Variants in TBC1D5 observed in about 807,000 individuals in gnomAD.
TBC1D5 encodes the protein TBC1 domain family, member 5.
A neutral mutation model predicts 100.3 loss-of-function variants in TBC1D5; 75 were observed. The observed-to-expected ratio is 0.75, with a 90% CI of 0.62 to 0.91. TBC1D5 has a LOEUF of 0.91. TBC1D5 is among the 40% of genes least tolerant of loss of function. The pLI, the probability that TBC1D5 is intolerant of heterozygous loss-of-function variation, is 0.00. For missense variants in TBC1D5, 910 were observed against 942.4 expected, an observed-to-expected ratio of 0.97 and a Z score of 0.45; for synonymous variants, 323 against 325.6, an observed-to-expected ratio of 0.99 and a Z score of 0.09.
intron 15 of TBC1D5, among the ~76,000 whole-genome samples, chr3:17,269,279 C>T (rs896876399): frequency 3.9e-5 from 6 of 152,048 alleles, no homozygotes; most frequent in African/African-American, 9.7e-5. Flanking sequence ...AGAATGCTCA[C>T]GAACAGTGAA....
At chr3:17,341,591 A>G (rs2088944116) in intron 13 of TBC1D5, among the ~76,000 whole-genome samples, 1 of 152,168 alleles carries the variant, frequency 6.6e-6, no homozygotes, top group Non-Finnish European at 1.5e-5. Flanking sequence ...ACACAGAGTA[A>G]GGAGTAGAGT....
At chr3:17,359,259 G>C (rs1467050046) in intron 13 of TBC1D5, among the ~76,000 whole-genome samples, 2 of 152,044 alleles carry the variant, frequency 1.3e-5, no homozygotes, top group Non-Finnish European at 2.9e-5. Context: ...TGTAATAAAT[G>C]ACAATTTTTC....
chr3:17,160,335 C>G (rs1279079743), exon 22 of TBC1D5: 2 of 152,028 alleles, frequency 1.3e-5, no homozygotes, highest in African/African-American at 4.8e-5. Context: ...ATCCTGTTTG[C>G]AGAGATCCTT....
At chr3:17,705,191 G>T (rs1324974583) in intron 1 of TBC1D5, among the ~76,000 whole-genome samples, 2 of 86,196 alleles carry the variant, frequency 2.3e-5, no homozygotes, top group African/African-American at 8.8e-5. Flanking sequence ...CTGGCCAGGC[G>T]GGGGGCTGAC....
intron 4 of TBC1D5, among the ~76,000 whole-genome samples, chr3:17,425,336 T>C (rs2094311260): frequency 6.6e-6 from 1 of 152,172 alleles, no homozygotes; most frequent in Non-Finnish European, 1.5e-5. Flanking sequence ...ACATTGTTTT[T>C]AAAAAACAGA....
At chr3:17,295,715 T>G (rs2082181557) in intron 14 of TBC1D5, among the ~76,000 whole-genome samples, 2 of 152,208 alleles carry the variant, frequency 1.3e-5, no homozygotes, top group Non-Finnish European at 2.9e-5. Flanking sequence ...ACTTTCTTTC[T>G]CAGCATAATA....
intron 15 of TBC1D5, among the ~76,000 whole-genome samples, chr3:17,264,071 G>A (rs1473523522): frequency 6.6e-6 from 1 of 152,088 alleles, no homozygotes; most frequent in Non-Finnish European, 1.5e-5. Flanking sequence ...ATGGAAGTCT[G>A]TAGATCAGCT....
intron 13 of TBC1D5, among the ~76,000 whole-genome samples, chr3:17,360,568 T>G (rs539738982): frequency 4.9e-4 from 75 of 152,130 alleles, no homozygotes; most frequent in Non-Finnish European, 8.0e-4. Flanking sequence ...TTCTCAGGTA[T>G]CTAGCATATT....
chr3:17,641,304 T>C (rs2064475261), intron 1 of TBC1D5, among the ~76,000 whole-genome samples: 1 of 152,122 alleles, frequency 6.6e-6, no homozygotes, highest in South Asian at 2.1e-4. Flanking sequence ...AACTACATTC[T>C]GTACATCAAT....
intron 2 of TBC1D5, among the ~76,000 whole-genome samples, chr3:17,610,890 A>T (rs1042869993): frequency 1.3e-5 from 2 of 152,062 alleles, no homozygotes; most frequent in Non-Finnish European, 2.9e-5. Context: ...GCTGCGTGTA[A>T]TCCCAGCTAT....
chr3:17,451,123 C>A (rs979206902), intron 3 of TBC1D5, among the ~76,000 whole-genome samples: 9 of 152,140 alleles, frequency 5.9e-5, no homozygotes, highest in African/African-American at 2.2e-4. Flanking sequence ...TCATCTCAAG[C>A]CAAACTAAGC....
At chr3:17,475,706 G>C (rs1418437073) in intron 3 of TBC1D5, among the ~76,000 whole-genome samples, 1 of 152,088 alleles carries the variant, frequency 6.6e-6, no homozygotes, top group African/African-American at 2.4e-5. Flanking sequence ...TTGCACTGCT[G>C]ATACACATTT....
At chr3:17,741,511 G>A (rs1178309999), upstream of TBC1D5, among the ~76,000 whole-genome samples, 1 of 152,172 alleles carries the variant, frequency 6.6e-6, no homozygotes, top group African/African-American at 2.4e-5. Context: ...AAGAATTACC[G>A]GGTCTAGAAA....
chr3:17,521,809 G>GGT (rs1409213107), intron 2 of TBC1D5, among the ~76,000 whole-genome samples: 1 of 151,900 alleles, frequency 6.6e-6, no homozygotes, highest in African/African-American at 2.4e-5. Context: ...AAGAATCTAA[G>GGT]GTATGATCAT....
chr3:17,496,952 CCT>C (rs1384251531), intron 3 of TBC1D5, among the ~76,000 whole-genome samples: 1 of 152,096 alleles, frequency 6.6e-6, no homozygotes, highest in African/African-American at 2.4e-5. Flanking sequence ...GTGTCATTCC[CCT>C]GTCACCCATG....
intron 15 of TBC1D5, among the ~76,000 whole-genome samples, chr3:17,258,907 T>G (rs1223114901): frequency 6.6e-6 from 1 of 152,108 alleles, no homozygotes; most frequent in Non-Finnish European, 1.5e-5. Context: ...AAAAACTATA[T>G]GAGATGTAAC....
At chr3:17,339,112 T>TG (rs1199633325) in intron 13 of TBC1D5, among the ~76,000 whole-genome samples, 11 of 152,330 alleles carry the variant, frequency 7.2e-5, no homozygotes, top group African/African-American at 2.6e-4. Flanking sequence ...GCAATTGTGG[T>TG]TGTCTGAGGT....
At position 17,553,437 on chromosome 3, in the gene TBC1D5, G is replaced by A. The variant is rs563277149; in HGVS notation, c.-35-44832C>T. On this transcript the variant is annotated intron_variant, in intron 2 of 21. Coordinates refer to ENST00000253692, the Ensembl canonical transcript of TBC1D5. The stretch of plus-strand genomic sequence containing the variant: ...AAATGGTACAACACCAAGGGAGGGG[G>A]ATTTGTACTATTTAACAAAACTACA... 1.7e-3 allele frequency among the ~76,000 whole-genome samples: 253 copies of A among 152,192 alleles called. 1 individual carries two copies. Among genetic ancestry groups the A allele is most frequent in the Admixed American group, 3.8e-3 (58 of 15,280 alleles).
At chr3:17,325,323 CT>C (rs35423622) in intron 13 of TBC1D5, among the ~76,000 whole-genome samples, 181 of 124,040 alleles carry the variant, frequency 1.5e-3, no homozygotes, top group African/African-American at 3.3e-3. Flanking sequence ...ATGGATGAAT[CT>C]TTTTTTTTTT....
Sources: allele counts gnomAD v4.1 joint callset (sites outside exome capture counted in the v4.1 genomes callset), GRCh38; gene constraint gnomAD v4.1.1; transcripts MANE v1.5; gene names NCBI Gene and HGNC (gene_info 2026-07-23, HGNC 2026-07-21).